Variants in XPR1 observed in about 807,000 individuals in gnomAD.
XPR1 encodes xenotropic and polytropic retrovirus receptor 1, also known as solute carrier family 53 member 1.
XPR1 carries 28 observed loss-of-function variants against 87.5 expected under a neutral mutation model. The observed-to-expected ratio is 0.32, with a 90% CI of 0.24 to 0.44. XPR1 has a LOEUF of 0.44. XPR1 is among the 20% of genes least tolerant of loss of function. XPR1 has a pLI of 1.00. For synonymous variants in XPR1, 300 were observed against 306.1 expected (o/e 0.98, Z 0.21); for missense variants, 559 against 862.3 (o/e 0.65, Z 4.41).
At chr1:180,747,397 T>C (rs974338444) in intron 2 of XPR1, among the ~76,000 whole-genome samples, 2 of 152,234 alleles carry the variant, frequency 1.3e-5, no homozygotes, top group African/African-American at 4.8e-5. Context: ...ATTTAGTTGC[T>C]AATACATTGT....
At chr1:180,670,018 A>C (rs1442069939) in intron 1 of XPR1, among the ~76,000 whole-genome samples, 2 of 152,184 alleles carry the variant, frequency 1.3e-5, no homozygotes, top group Non-Finnish European at 2.9e-5. Context: ...CTTTAAAAAA[A>C]TATGATATTC....
At chr1:180,716,136 G>C (rs552893564) in intron 2 of XPR1, among the ~76,000 whole-genome samples, 1 of 151,906 alleles carries the variant, frequency 6.6e-6, no homozygotes, top group African/African-American at 2.4e-5. Flanking sequence ...GTTTTGGGGG[G>C]TTTTTTGTTT....
chr1:180,802,719 A>G (rs948664946), intron 3 of XPR1, among the ~76,000 whole-genome samples: 1 of 152,094 alleles, frequency 6.6e-6, no homozygotes, highest in Non-Finnish European at 1.5e-5. Flanking sequence ...GCAGTAATCT[A>G]CTTTCTTTCT....
At chr1:180,783,494 A>G (rs1460192036) in intron 2 of XPR1, among the ~76,000 whole-genome samples, 1 of 151,988 alleles carries the variant, frequency 6.6e-6, no homozygotes, top group African/African-American at 2.4e-5. Flanking sequence ...TCCCCTTTCA[A>G]AGGAGGTAAC....
intron 7 of XPR1, among the ~76,000 whole-genome samples, chr1:180,813,543 G>A (rs1650301721): frequency 6.6e-6 from 1 of 152,010 alleles, no homozygotes; most frequent in Non-Finnish European, 1.5e-5. Context: ...TGTCTCTCTT[G>A]TATCTCTAGC....
At chr1:180,687,891 C>T (rs1656839987) in intron 2 of XPR1, among the ~76,000 whole-genome samples, 1 of 151,258 alleles carries the variant, frequency 6.6e-6, no homozygotes, top group South Asian at 2.1e-4. Context: ...ATCTACTCTT[C>T]TATGTAATCA....
intron 2 of XPR1, among the ~76,000 whole-genome samples, chr1:180,744,894 A>G (rs937297816): frequency 6.6e-6 from 1 of 151,606 alleles, no homozygotes. Flanking sequence ...CTCATGATCC[A>G]CCTTCCTTGG....
At chr1:180,786,108 A>G (rs1649129652) in intron 2 of XPR1, among the ~76,000 whole-genome samples, 1 of 152,058 alleles carries the variant, frequency 6.6e-6, no homozygotes, top group African/African-American at 2.4e-5. Context: ...TCAATACAAC[A>G]TCCTGCATTA....
intron 12 of XPR1, among the ~76,000 whole-genome samples, chr1:180,864,227 ACT>A (rs1250493378): frequency 1.3e-5 from 2 of 151,982 alleles, no homozygotes; most frequent in Non-Finnish European, 2.9e-5. Context: ...AGTCTGAAAC[ACT>A]CTCTCTCGTC....
intron 2 of XPR1, among the ~76,000 whole-genome samples, chr1:180,734,560 A>ATC (rs1009658758): frequency 6.6e-6 from 1 of 152,178 alleles, no homozygotes; most frequent in African/African-American, 2.4e-5. Flanking sequence ...AGGAACTCAG[A>ATC]TAAGACAAAT....
intron 2 of XPR1, among the ~76,000 whole-genome samples, chr1:180,715,159 A>C (rs1003736290): frequency 2.0e-5 from 3 of 152,246 alleles, no homozygotes; most frequent in Non-Finnish European, 2.9e-5. Flanking sequence ...GTTTGAATGT[A>C]ATATAGCCCC....
intron 7 of XPR1, among the ~76,000 whole-genome samples, chr1:180,821,534 T>G (rs966420960): frequency 3.3e-5 from 5 of 152,206 alleles, no homozygotes; most frequent in Admixed American, 1.3e-4. Context: ...ATTTGGGACC[T>G]CTTGGAATTC....
chr1:180,671,669 C>G (rs2101931426), intron 1 of XPR1, among the ~76,000 whole-genome samples: 1 of 152,238 alleles, frequency 6.6e-6, no homozygotes, highest in East Asian at 1.9e-4. Context: ...TGTCAACTAC[C>G]AAGCCCAGCT....
At chr1:180,698,738 A>C (rs2101967490) in intron 2 of XPR1, among the ~76,000 whole-genome samples, 1 of 152,300 alleles carries the variant, frequency 6.6e-6, no homozygotes, top group South Asian at 2.1e-4. Flanking sequence ...TTTGGAAAAA[A>C]AAATATTTCT....
intron 2 of XPR1, among the ~76,000 whole-genome samples, chr1:180,769,469 C>A (rs1648422016): frequency 7.0e-6 from 1 of 141,916 alleles, no homozygotes; most frequent in Non-Finnish European, 1.5e-5. Context: ...CTCTCTCTCT[C>A]TCTCTCTCTC....
chr1:180,654,908 A>G (rs1364372998), intron 1 of XPR1, among the ~76,000 whole-genome samples: 1 of 152,122 alleles, frequency 6.6e-6, no homozygotes. Context: ...TCTATCTGAG[A>G]TCCTGGTTTC....
At chr1:180,703,975 ATC>A (rs1253190517) in intron 2 of XPR1, among the ~76,000 whole-genome samples, 3 of 151,582 alleles carry the variant, frequency 2.0e-5, no homozygotes, top group Non-Finnish European at 4.4e-5. Context: ...TTTCTGCTGC[ATC>A]TCTTTTTTTT....
At chr1:180,692,557 A>G (rs57032990) in intron 2 of XPR1, among the ~76,000 whole-genome samples, 6,551 of 152,260 alleles carry the variant, frequency 0.043, 504 homozygotes, top group African/African-American at 0.15. Flanking sequence ...AGTGATTTGC[A>G]TATTCATTTG....
In XPR1 at chr1:180,662,520, T is replaced by C. The variant is rs577989831; in HGVS notation, c.70-19840T>C. 3.9e-5 allele frequency among the ~76,000 whole-genome samples: 6 copies of C among 152,316 alleles called. No homozygotes were observed. In the East Asian group the frequency reaches 9.6e-4, roughly 24 times the overall value. On this transcript the variant is annotated intron_variant, in intron 1 of 14. Transcript: ENST00000367590. ...TGTATTGGAGCTCCATTGTATGTTA[T>C]TTGTTTCTTTTCTCTTGCTGCTTTT...
Sources: gnomAD v4.1 joint callset for allele counts (sites outside exome capture counted in the v4.1 genomes callset) on GRCh38, gnomAD v4.1.1 for gene constraint, MANE v1.5 for transcripts, NCBI Gene and HGNC (gene_info 2026-07-23, HGNC 2026-07-21) for gene names.